FOXP2: variants seen among roughly 807,000 people sequenced by gnomAD.
FOXP2 encodes the protein forkhead box protein P2.
In FOXP2, 12 loss-of-function variants were observed where a neutral mutation model predicts 115.8. The ratio of observed to expected loss-of-function variants is 0.10; its 90% CI spans 0.07 to 0.17. The LOEUF (loss-of-function observed/expected upper bound fraction) is 0.17, where lower values mean the gene tolerates loss of function less well. Among genes scored for constraint, FOXP2 ranks in the 10% least tolerant of loss-of-function variants. The pLI is 1.00. For synonymous variants in FOXP2, 328 were observed against 297.7 expected (o/e 1.10, Z -1.05); for missense variants, 629 against 843.5 (o/e 0.75, Z 3.15).
intron 1 of FOXP2, among the ~76,000 whole-genome samples, chr7:114,123,944 TGA>T (rs1791634118): frequency 6.6e-6 from 1 of 152,072 alleles, no homozygotes; most frequent in Non-Finnish European, 1.5e-5. Flanking sequence ...TTTGACAACT[TGA>T]TGCTCGTCTT....
At chr7:114,410,691 A>G (rs1353756825), upstream of FOXP2, among the ~76,000 whole-genome samples, 2 of 152,264 alleles carry the variant, frequency 1.3e-5, no homozygotes, top group African/African-American at 4.8e-5. Flanking sequence ...TTCAATAAAC[A>G]GTATGTGTTT....
rs376776032 is a variant in FOXP2, at chr7:114,659,595, G to A, written c.1569G>A (p.Arg523=). 1.1e-4 allele frequency: 171 copies of A among 1,613,504 alleles called. No individual in the cohort carries two copies. Among genetic ancestry groups the A allele is most frequent in the Non-Finnish European group, 1.3e-4 (151 of 1,179,666 alleles). ...AGGCTATCATGGAGTCATCTGACAG[G>A]CAGTTAACACTTAATGAAATTTACA... ...IRQAIMESSD[R]QLTLNEIYSW... The change falls in exon 13 of 17, where the codon AGG becomes AGA. Residue 523 remains arginine, a synonymous_variant. Transcript: ENST00000350908.
At chr7:114,388,139 G>C (rs1242799865) in intron 2 of FOXP2, among the ~76,000 whole-genome samples, 2 of 152,108 alleles carry the variant, frequency 1.3e-5, no homozygotes, top group African/African-American at 4.8e-5. Context: ...AATCTCTTTA[G>C]TCATATTTAT....
At chr7:114,123,826 T>C (rs907318649) in intron 1 of FOXP2, among the ~76,000 whole-genome samples, 2 of 152,102 alleles carry the variant, frequency 1.3e-5, no homozygotes, top group Admixed American at 6.6e-5. Flanking sequence ...AAGTAAGCAT[T>C]TGGGTTTTCT....
At position 114,337,336 on chromosome 7, in the gene FOXP2, A is replaced by G. The variant is rs1797876573; in HGVS notation, c.-11+49227A>G. Reference sequence around the variant, plus strand: ...CAGTGAAAGTTTAGAATTGTCTGTTATTACTTTTTAAAAGAAAAGATTCAT... The same window carrying G: ...CAGTGAAAGTTTAGAATTGTCTGTTGTTACTTTTTAAAAGAAAAGATTCAT... On this transcript the variant is annotated intron_variant, in intron 2 of 17. Transcript: ENST00000634411. Among the ~76,000 whole-genome samples, 4 of 151,306 alleles carry G rather than the reference A, an allele frequency of 2.6e-5. No homozygotes were observed. In the South Asian group the frequency reaches 8.3e-4, roughly 31 times the overall value.
At chr7:114,280,532 AC>A (rs1330370627) in intron 1 of FOXP2, among the ~76,000 whole-genome samples, 5 of 152,158 alleles carry the variant, frequency 3.3e-5, no homozygotes, top group African/African-American at 1.2e-4. Context: ...ATTTTAACAG[AC>A]AGTTCTAGTT....
intron 3 of FOXP2, among the ~76,000 whole-genome samples, chr7:114,612,836 G>A (rs148846934): frequency 6.6e-6 from 1 of 152,116 alleles, no homozygotes; most frequent in African/African-American, 2.4e-5. Context: ...ATCTAATACA[G>A]TTTATCTAAT....
rs1248532915 is a variant in FOXP2 at position 114,691,654 on chromosome 7, T to C, written c.*1728T>C. 1 of 453,926 alleles carries C rather than the reference T, an allele frequency of 2.2e-6. No individual in the cohort carries two copies. Among genetic ancestry groups the C allele is most frequent in the South Asian group, 1.6e-5 (1 of 64,468 alleles). 28.1% of individuals were successfully genotyped at this position (453,926 alleles called of 1,614,324 possible). ...GTGCTGTGCCAAGTCTTGATAATAC[T>C]TTTTCCCCCAACCAAGGGACCTCAT... is the stretch of plus-strand genomic sequence containing the variant. On this transcript the variant is annotated 3_prime_UTR_variant, in exon 17 of 17. Transcript: ENST00000350908.
At chr7:114,337,449 A>G (rs1797880960) in intron 2 of FOXP2, among the ~76,000 whole-genome samples, 2 of 151,262 alleles carry the variant, frequency 1.3e-5, no homozygotes, top group Non-Finnish European at 3.0e-5. Context: ...AAGACTTAAA[A>G]TTTTGGATTT....
At chr7:114,401,549 C>T (rs909300641) in intron 2 of FOXP2, among the ~76,000 whole-genome samples, 1 of 152,088 alleles carries the variant, frequency 6.6e-6, no homozygotes, top group Non-Finnish European at 1.5e-5. Flanking sequence ...TTATCAATCA[C>T]GTGTCAACAG....
chr7:114,127,742 G>T (rs1433329953), intron 1 of FOXP2, among the ~76,000 whole-genome samples: 1 of 152,110 alleles, frequency 6.6e-6, no homozygotes. Flanking sequence ...TGTTGTGCTT[G>T]ATGTGTTCTG....
intron 2 of FOXP2, among the ~76,000 whole-genome samples, chr7:114,505,209 TA>T (rs1369532701): frequency 6.6e-6 from 1 of 151,550 alleles, no homozygotes; most frequent in African/African-American, 2.4e-5. Flanking sequence ...GGGAAGGATT[TA>T]AGGAATCAAA....
chr7:114,512,174 T>C (rs1798110402), intron 2 of FOXP2, among the ~76,000 whole-genome samples: 1 of 152,210 alleles, frequency 6.6e-6, no homozygotes, highest in South Asian at 2.1e-4. Flanking sequence ...TTCCAATTTA[T>C]GTTATTGCAA....
At chr7:114,528,224 G>C (rs1798966983) in intron 2 of FOXP2, among the ~76,000 whole-genome samples, 1 of 151,706 alleles carries the variant, frequency 6.6e-6, no homozygotes, top group African/African-American at 2.4e-5. Context: ...GTTCCTACTT[G>C]GCATGGCCTT....
intron 1 of FOXP2, among the ~76,000 whole-genome samples, chr7:114,195,498 T>C (rs1793880182): frequency 6.6e-6 from 1 of 152,138 alleles, no homozygotes; most frequent in African/African-American, 2.4e-5. Flanking sequence ...AAGTAATGTA[T>C]TAGATGTTGT....
At position 114,307,213 on chromosome 7, in the gene FOXP2, A is replaced by G. The variant is rs28780374; in HGVS notation, c.-11+19104A>G. ...ACAGGGGTTAGGATTAAATCATTCA[A>G]TTTGTCTCATAAAGCATTTAACTAA... On this transcript the variant is annotated intron_variant, in intron 2 of 17. Coordinates refer to the FOXP2 transcript ENST00000634411. Among the ~76,000 whole-genome samples, 647 of 152,126 alleles carry G rather than the reference A, an allele frequency of 4.3e-3. 6 individuals carry two copies. Among genetic ancestry groups the G allele is most frequent in the African/African-American group, 0.014 (595 of 41,486 alleles).
At chr7:114,479,464 A>G (rs760812639) in intron 2 of FOXP2, among the ~76,000 whole-genome samples, 1 of 151,234 alleles carries the variant, frequency 6.6e-6, no homozygotes, top group Admixed American at 6.6e-5. Context: ...TGAACCTGCC[A>G]TATGTTCAAG....
chr7:114,243,375 A>G (rs1795201432), intron 1 of FOXP2, among the ~76,000 whole-genome samples: 1 of 151,716 alleles, frequency 6.6e-6, no homozygotes. Flanking sequence ...ATCAAAGCAC[A>G]TGTGAGTTTG....
chr7:114,108,423 T>C lies in FOXP2; in HGVS notation c.-247+20585T>C, dbSNP rs573305670. On this transcript the variant is annotated intron_variant, in intron 1 of 19. Transcript: ENST00000635638. Reference sequence around the variant, plus strand: ...TTTAGTAATTTAGGATTTTCTGCTTTTGTTAATACATTTTTTGGTAAGATA... The same window carrying C: ...TTTAGTAATTTAGGATTTTCTGCTTCTGTTAATACATTTTTTGGTAAGATA... 1.4e-4 allele frequency among the ~76,000 whole-genome samples: 21 copies of C among 152,080 alleles called. No homozygotes were observed. In the South Asian group the frequency reaches 3.3e-3, roughly 24 times the overall value.
Sources: allele counts gnomAD v4.1 joint callset (sites outside exome capture counted in the v4.1 genomes callset), GRCh38; gene constraint gnomAD v4.1.1; transcripts MANE v1.5; gene names NCBI Gene and HGNC (gene_info 2026-07-23, HGNC 2026-07-21).